Variants in SYNPO2 observed in about 807,000 individuals in gnomAD.
SYNPO2 encodes the protein synaptopodin 2, also known as synaptopodin-2.
Under a neutral mutation model 85.0 loss-of-function variants are expected in SYNPO2, and 56 were observed. That is an observed-to-expected ratio of 0.66 (90% CI 0.53 to 0.82). The LOEUF (loss-of-function observed/expected upper bound fraction) is 0.82. Ranked by LOEUF, SYNPO2 falls within the 40% of genes least tolerant of loss-of-function variation. SYNPO2 has a pLI of 0.00. For missense variants in SYNPO2, 1,575 were observed against 1,534.2 expected (o/e 1.03, Z -0.44); for synonymous variants, 602 against 591.1 (o/e 1.02, Z -0.27).
chr4:118,880,967 T>A (rs1415053429), intron 1 of SYNPO2, among the ~76,000 whole-genome samples: 3 of 151,972 alleles, frequency 2.0e-5, no homozygotes, highest in Admixed American at 6.6e-5. Context: ...AAATGAGGTC[T>A]TTAGGGTGGG....
intron 1 of SYNPO2, among the ~76,000 whole-genome samples, chr4:118,989,654 C>G (rs1230907172): frequency 1.3e-5 from 2 of 152,216 alleles, no homozygotes; most frequent in Non-Finnish European, 2.9e-5. Flanking sequence ...GTCATGCTTC[C>G]ATGGAATATC....
chr4:118,909,964 T>A (rs1426816), intron 1 of SYNPO2, among the ~76,000 whole-genome samples: 124,581 of 152,122 alleles, frequency 0.82, 51,313 homozygotes, highest in Middle Eastern at 0.93. Flanking sequence ...TCTCTTCCAT[T>A]TGTTGAAAAC....
intron 4 of SYNPO2, chr4:119,036,109 G>C (rs1364355751): frequency 1.0e-6 from 1 of 985,238 alleles, no homozygotes; most frequent in Non-Finnish European, 1.2e-6. Context: ...CCATTCTAAG[G>C]GTGAATTATT....
At chr4:119,006,281 A>T (rs1050429287) in intron 1 of SYNPO2, 1 of 152,268 alleles carries the variant, frequency 6.6e-6, no homozygotes, top group South Asian at 2.1e-4. Context: ...GCACAAACTA[A>T]CACTCTTAGG....
intron 1 of SYNPO2, among the ~76,000 whole-genome samples, chr4:118,955,320 A>AAACTGC (rs1261169820): frequency 1.3e-5 from 2 of 152,110 alleles, no homozygotes; most frequent in Non-Finnish European, 2.9e-5. Flanking sequence ...ACAACATGCC[A>AAACTGC]AACTGCTTCT....
intron 2 of SYNPO2, among the ~76,000 whole-genome samples, chr4:119,026,324 G>A (rs1410970896): frequency 6.6e-6 from 1 of 152,200 alleles, no homozygotes; most frequent in African/African-American, 2.4e-5. Flanking sequence ...CAGATTCCAA[G>A]TACTTACAGA....
intron 1 of SYNPO2, among the ~76,000 whole-genome samples, chr4:119,000,514 A>G (rs191778513): frequency 2.3e-3 from 349 of 152,340 alleles, no homozygotes; most frequent in African/African-American, 7.8e-3. Context: ...CGAGTAATAC[A>G]ACCCCAGGGA....
intron 1 of SYNPO2, among the ~76,000 whole-genome samples, chr4:119,005,638 GTA>G (rs1163337626): frequency 2.7e-5 from 4 of 150,838 alleles, no homozygotes; most frequent in African/African-American, 9.7e-5. Context: ...TAGCCTTGTA[GTA>G]TAGTTTGAAG....
chr4:118,941,828 A>G (rs137943012), intron 1 of SYNPO2, among the ~76,000 whole-genome samples: 1 of 152,340 alleles, frequency 6.6e-6, no homozygotes, highest in African/African-American at 2.4e-5. Flanking sequence ...TTCAGAAAGC[A>G]GAAAAGAACG....
intron 1 of SYNPO2, among the ~76,000 whole-genome samples, chr4:118,898,530 G>A (rs1051011385): frequency 6.6e-6 from 1 of 152,092 alleles, no homozygotes; most frequent in Non-Finnish European, 1.5e-5. Flanking sequence ...GTGCAGACAT[G>A]GGTTAAGCAC....
At chr4:119,006,842 A>G (rs1235600420) in intron 1 of SYNPO2, among the ~76,000 whole-genome samples, 3 of 151,952 alleles carry the variant, frequency 2.0e-5, no homozygotes, top group Non-Finnish European at 2.9e-5. Context: ...CTCTCATTAC[A>G]TTTATCTTTC....
chr4:119,037,530 T>A, intron 4 of SYNPO2: 1 of 997,034 alleles, frequency 1.0e-6, no homozygotes, highest in East Asian at 1.1e-4. Flanking sequence ...GGTGCAATAA[T>A]CAAGGCCATG....
At chr4:118,937,621 T>C (rs9884217) in intron 1 of SYNPO2, among the ~76,000 whole-genome samples, 4,133 of 152,240 alleles carry the variant, frequency 0.027, 186 homozygotes, top group African/African-American at 0.093. Flanking sequence ...ATCCTTGTGC[T>C]CTCACTTGGC....
At chr4:118,886,409 C>T (rs572111831), upstream of SYNPO2, among the ~76,000 whole-genome samples, 37 of 152,226 alleles carry the variant, frequency 2.4e-4, no homozygotes, top group African/African-American at 8.4e-4. Flanking sequence ...CTTTGTACCC[C>T]ACCCTCCGAC....
rs529832884 is a variant in SYNPO2, at chr4:118,925,974, A to G, written c.105+36833A>G. On this transcript the variant is annotated intron_variant, in intron 1 of 4. Coordinates refer to ENST00000307142, the MANE Select transcript of SYNPO2 (RefSeq NM_133477.3). ...GCTAGGTACTGGGCAAACAAAGATA[A>G]ATTAGACATGGATCCTGCCTCCAAA... Among the ~76,000 whole-genome samples, 10 of 152,292 alleles carry G rather than the reference A, an allele frequency of 6.6e-5. No homozygotes were observed. The South Asian group carries it at 2.1e-3, about 32-fold the overall frequency.
At chr4:119,011,147 AC>A (rs1377743541) in intron 1 of SYNPO2, among the ~76,000 whole-genome samples, 1 of 152,212 alleles carries the variant, frequency 6.6e-6, no homozygotes, top group Non-Finnish European at 1.5e-5. Flanking sequence ...TTCTTGAAGT[AC>A]AGGATTTGGA....
At chr4:119,002,951 T>C (rs549738637) in intron 1 of SYNPO2, among the ~76,000 whole-genome samples, 2 of 152,338 alleles carry the variant, frequency 1.3e-5, no homozygotes, top group East Asian at 3.9e-4. Flanking sequence ...CTTGAATTAT[T>C]TGATGACTTA....
chr4:118,855,773 A>G (rs1303298985), intron 1 of SYNPO2, among the ~76,000 whole-genome samples: 1 of 152,160 alleles, frequency 6.6e-6, no homozygotes, highest in Non-Finnish European at 1.5e-5. Context: ...TGTCTATATC[A>G]TTTTTACTGT....
intron 1 of SYNPO2, among the ~76,000 whole-genome samples, chr4:118,953,761 C>T (rs1167477958): frequency 6.6e-6 from 1 of 152,064 alleles, no homozygotes; most frequent in African/African-American, 2.4e-5. Context: ...ATGTAGATTG[C>T]CAAAGATCAC....
Sources: allele counts gnomAD v4.1 joint callset (sites outside exome capture counted in the v4.1 genomes callset), GRCh38; gene constraint gnomAD v4.1.1; transcripts MANE v1.5; gene names NCBI Gene and HGNC (gene_info 2026-07-23, HGNC 2026-07-21).